SMARCA4: variants seen among roughly 807,000 people sequenced by gnomAD.
The protein encoded by SMARCA4 is SWI/SNF-related matrix-associated actin-dependent regulator of chromatin subfamily A member 4.
A neutral mutation model predicts 193.9 loss-of-function variants in SMARCA4; 31 were observed. That is an observed-to-expected ratio of 0.16 (90% confidence interval 0.12 to 0.22). The LOEUF is 0.22. SMARCA4 is among the 10% of genes least tolerant of loss of function. SMARCA4 has a pLI of 1.00. For synonymous variants in SMARCA4, 942 were observed against 933.1 expected (o/e 1.01, Z -0.17); for missense variants, 1,148 against 2,296.0 (o/e 0.50, Z 10.22).
chr19:10,966,628 T>C (rs2084242634), intron 1 of SMARCA4, among the ~76,000 whole-genome samples: 1 of 142,772 alleles, frequency 7.0e-6, no homozygotes, highest in Admixed American at 7.1e-5. Flanking sequence ...GGCTCATGCC[T>C]GTATTCCTAG....
rs78559411 is a variant in SMARCA4, at chr19:11,050,110, G to C, written c.4425-8145G>C. ...AGACTACGTCTCAAAAAAAAAGACT[G>C]TGCTAGACGGTGGTGTTGAACTTGA... On this transcript the variant is annotated intron_variant, in intron 30 of 34. Transcript: ENST00000344626. Among the ~76,000 whole-genome samples the C allele has an allele frequency of 8.4e-3, 1,285 of 152,344 alleles. 17 individuals carry two copies. The highest frequency in any genetic ancestry group is 0.029 in the African/African-American group (1,222 of 41,566).
chr19:11,053,968 G>A (rs967146368), intron 30 of SMARCA4, among the ~76,000 whole-genome samples: 1 of 152,200 alleles, frequency 6.6e-6, no homozygotes, highest in African/African-American at 2.4e-5. Flanking sequence ...TTGCAGTAGT[G>A]CATCCAGCAA....
At chr19:11,036,498 A>G (rs1016071755) in intron 29 of SMARCA4, among the ~76,000 whole-genome samples, 3 of 152,046 alleles carry the variant, frequency 2.0e-5, no homozygotes, top group South Asian at 2.1e-4. Context: ...GGCTCAAACA[A>G]TCCACCCGCC....
chr19:10,996,694 C>G, intron 11 of SMARCA4, 150 bp downstream of exon 11: 2 of 756,434 alleles, frequency 2.6e-6, no homozygotes, highest in Admixed American at 2.0e-5. Context: ...GCCCATCCCA[C>G]CCGACCCCAC....
chr19:10,986,165 C>T lies in SMARCA4; in HGVS notation c.356-24C>T, dbSNP rs1372451540. On this transcript the variant is annotated intron_variant, in intron 3 of 34. Coordinates refer to ENST00000344626, the MANE Select transcript of SMARCA4 (RefSeq NM_003072.5). This position sits in a 1 kb window ranked among gnomAD's most constrained non-coding sequence, Gnocchi z 6.7. ...TCACAGACATATGCTGCCGAGTGAC[C>T]AGTGGGCTGACCTTTCTCTGCAGGT... 3.8e-6 allele frequency: 6 copies of T among 1,581,938 alleles called. No individual in the cohort carries two copies. Among genetic ancestry groups the T allele is most frequent in the Non-Finnish European group, 5.2e-6 (6 of 1,151,204 alleles).
intron 1 of SMARCA4, among the ~76,000 whole-genome samples, chr19:10,978,864 G>A (rs919173540): frequency 5.3e-5 from 8 of 151,934 alleles, no homozygotes; most frequent in African/African-American, 1.4e-4. Context: ...CACGATAATC[G>A]CTTGAACCTA....
intron 9 of SMARCA4, 47 bp downstream of exon 9, chr19:10,995,048 G>A (rs1600069488): frequency 2.6e-6 from 4 of 1,538,074 alleles, no homozygotes; most frequent in African/African-American, 2.7e-5. Flanking sequence ...TGTGTAGCTG[G>A]TACTGCGGGC....
intron 34 of SMARCA4, 49 bp from the exon 35 acceptor site, chr19:11,061,735 C>G (rs2076911807): frequency 6.3e-7 from 1 of 1,590,974 alleles, no homozygotes. Context: ...GGCAAGGTGC[C>G]CTGGCAGGGG....
rs1342028892 is a variant in SMARCA4 at position 11,030,339 on chromosome 19, G to A, written c.3383-391G>A. On this transcript the variant is annotated intron_variant, in intron 24 of 34. Transcript: ENST00000344626. This position sits in a 1 kb window ranked among gnomAD's most constrained non-coding sequence, Gnocchi z 5.5. Reference sequence around the variant, plus strand: ...AGCGGCGGTGTTGCCGGCATTGGCCGCTGTGTCTTCCGCTCCCCATGGAAT... The same window carrying A: ...AGCGGCGGTGTTGCCGGCATTGGCCACTGTGTCTTCCGCTCCCCATGGAAT... Among the ~76,000 whole-genome samples, 2 of 152,206 alleles carry A rather than the reference G, an allele frequency of 1.3e-5. No homozygotes were observed. The highest frequency in any genetic ancestry group is 6.5e-5 in the Admixed American group (1 of 15,286).
chr19:10,973,434 G>A (rs1249266241), intron 1 of SMARCA4, among the ~76,000 whole-genome samples: 5 of 151,000 alleles, frequency 3.3e-5, no homozygotes, highest in Non-Finnish European at 2.9e-5. Context: ...ACGGAGTCTC[G>A]CTGTCACCCA....
intron 8 of SMARCA4, 105 bp from the exon 9 acceptor site, chr19:10,994,723 C>G: frequency 1.0e-6 from 1 of 981,652 alleles, no homozygotes; most frequent in Non-Finnish European, 1.6e-6. Flanking sequence ...CCTCCCAAAG[C>G]GCTGGGATTA....
chr19:10,991,555 C>G (rs1441774579), intron 8 of SMARCA4, among the ~76,000 whole-genome samples: 1 of 152,128 alleles, frequency 6.6e-6, no homozygotes, highest in East Asian at 1.9e-4. Context: ...TGATAGGGCA[C>G]AAAGAAAAAT....
intron 9 of SMARCA4, 155 bp downstream of exon 9, chr19:10,995,156 T>A: frequency 1.4e-6 from 1 of 733,156 alleles, no homozygotes; most frequent in Non-Finnish European, 2.4e-6. Context: ...TGGGAGTCAG[T>A]CCTGGGCTCG....
In SMARCA4 at chr19:10,984,424, T is replaced by C. The variant is rs984271259; in HGVS notation, c.222+51T>C. ...ACCTGCGGCCTCTGCCCACTAGGGC[T>C]GCAGGCAGCCTCTGGACCGAGGGCC... On this transcript the variant is annotated intron_variant, in intron 2 of 34. Transcript: ENST00000344626. The surrounding 1 kb of genome is among the most constrained non-coding windows in gnomAD (Gnocchi z 4.3). 2.6e-6 allele frequency: 4 copies of C among 1,550,884 alleles called. No homozygotes were observed. The South Asian group carries it at 4.7e-5, about 18-fold the overall frequency.
intron 29 of SMARCA4, among the ~76,000 whole-genome samples, chr19:11,035,408 C>T (rs2075209360): frequency 6.6e-6 from 1 of 152,234 alleles, no homozygotes; most frequent in African/African-American, 2.4e-5. Flanking sequence ...AAGGGTTTAC[C>T]TCTTCCCGAG....
intron 1 of SMARCA4, among the ~76,000 whole-genome samples, chr19:10,977,321 T>G (rs2085219631): frequency 6.6e-6 from 1 of 151,926 alleles, no homozygotes; most frequent in Admixed American, 6.6e-5. Context: ...AGTTTTTTTT[T>G]GTTTTGTTTT....
intron 1 of SMARCA4, among the ~76,000 whole-genome samples, chr19:10,975,184 CTT>C (rs977271377): frequency 2.9e-4 from 44 of 150,210 alleles, no homozygotes; most frequent in Middle Eastern, 3.5e-3. Flanking sequence ...CCCTGGCTGA[CTT>C]TTGTATTTTT....
chr19:11,010,787 C>T (rs1253070698), intron 15 of SMARCA4: 3 of 520,480 alleles, frequency 5.8e-6, no homozygotes, highest in East Asian at 3.6e-5. Flanking sequence ...AGAGTGGGAG[C>T]GATTTGCACT....
intron 1 of SMARCA4, among the ~76,000 whole-genome samples, chr19:10,962,045 C>T (rs1599760312): frequency 6.8e-6 from 1 of 146,278 alleles, no homozygotes; most frequent in African/African-American, 2.6e-5. Flanking sequence ...AAAGCCGCTT[C>T]GCAGGAATTT....
Sources: allele counts gnomAD v4.1 joint callset (sites outside exome capture counted in the v4.1 genomes callset), GRCh38; gene constraint gnomAD v4.1.1; non-coding constraint Gnocchi (gnomAD v3.1); transcripts MANE v1.5; gene names NCBI Gene and HGNC (gene_info 2026-07-23, HGNC 2026-07-21).